Variants in ABCC6 observed in about 807,000 individuals in gnomAD.
ABCC6 encodes the protein ATP-binding cassette sub-family C member 6.
In ABCC6, 126 loss-of-function variants were observed where a neutral mutation model predicts 169.5. The observed-to-expected ratio is 0.74, with a 90% CI of 0.64 to 0.86. ABCC6 has a LOEUF of 0.86. Ranked by LOEUF, ABCC6 falls within the 40% of genes least tolerant of loss-of-function variation. ABCC6 has a pLI of 0.00. For synonymous variants in ABCC6, 752 were observed against 814.7 expected (o/e 0.92, Z 1.31); for missense variants, 1,733 against 1,927.2 (o/e 0.90, Z 1.89).
rs371141927 is a variant in ABCC6 at position 16,183,237 on chromosome 16, CCAAT to C, written c.1944-311_1944-308del. On this transcript the variant is annotated intron_variant, in intron 15 of 30. Coordinates refer to ENST00000205557, the MANE Select transcript of ABCC6 (RefSeq NM_001171.6). Reference sequence around the variant, plus strand: ...CACACACACAAGTGCATGCACATACCCAATCAATCCATGCTCACACGCATACATG... The same window carrying C: ...CACACACACAAGTGCATGCACATACCCAATCCATGCTCACACGCATACATG... Among the ~76,000 whole-genome samples, 382 of 152,268 alleles carry C rather than the reference CCAAT, an allele frequency of 2.5e-3. 4 individuals are homozygous for C. The highest frequency in any genetic ancestry group is 7.9e-3 in the African/African-American group (328 of 41,548).
Position 16,182,455 on chromosome 16 carries a change from A to G in ABCC6, c.2204T>C (p.Val735Ala). ...VLEACALQPDVDSFPEGIHTS... is the reference protein window; with the variant it reads ...VLEACALQPDADSFPEGIHTS... ...GTGGATTCCCTCAGGGAAGCTGTCC[A>G]CATCTGGCTGCAGGGCACAGGCTTC... Residue 735 changes from valine to alanine, a missense_variant, in exon 17 of 31, where the codon GTG (valine) becomes GCG (alanine). Val to Ala is a moderately conservative substitution (Grantham distance 64). This residue lies in a region of ABCC6 where 1,601 missense variants were observed against 1,635.5 expected (regional missense o/e 0.98). Transcript: ENST00000205557. The G allele has an allele frequency of 1.2e-6, 2 of 1,614,176 alleles. No homozygotes were observed. Among genetic ancestry groups the G allele is most frequent in the South Asian group, 1.1e-5 (1 of 91,084 alleles).
At chr16:16,185,480 G>A (rs2047623651) in intron 14 of ABCC6, among the ~76,000 whole-genome samples, 1 of 152,150 alleles carries the variant, frequency 6.6e-6, no homozygotes. Flanking sequence ...CCAGAGTGAA[G>A]GGGGTGTTAT....
Position 16,169,751 on chromosome 16 carries a change from G to A in ABCC6, c.2890C>T (p.Arg964Trp), listed in dbSNP as rs558710437. ...GCCCACAGGCTCAGCCAGTAGCCCC[G>A]GCAGAAGGAGGCCACTTGCTGGCAG... ...FLCQQVASFCRGYWLSLWADD... is the reference protein window; with the variant it reads ...FLCQQVASFCWGYWLSLWADD... Residue 964 changes from arginine (R) to tryptophan (W), a missense_variant, in exon 22 of 31, where the codon CGG becomes TGG. Transcript: ENST00000205557. 9.4e-6 allele frequency: 15 copies of A among 1,603,636 alleles called. No individual in the cohort carries two copies. Among genetic ancestry groups the A allele is most frequent in the Admixed American group, 6.8e-5 (4 of 58,418 alleles).
intron 19 of ABCC6, 69 bp downstream of exon 19, chr16:16,177,383 C>A: frequency 6.3e-7 from 1 of 1,581,980 alleles, no homozygotes; most frequent in Non-Finnish European, 8.7e-7. Context: ...GCCAGTAGGA[C>A]CCTTCGAGCC....
rs375271795 is a variant in ABCC6 at position 16,163,198 on chromosome 16, A to G, written c.3307-6T>C. The stretch of plus-strand genomic sequence containing the variant: ...GAGCTAACCACATACAGGCTCTGAG[A>G]AGGATGGATGGGAGAGGGAAGAGGA... On this transcript the variant is annotated splice_region_variant and splice_polypyrimidine_tract_variant and intron_variant, in intron 23 of 30. Transcript: ENST00000205557. The G allele has an allele frequency of 7.4e-6, 12 of 1,612,840 alleles. No homozygotes were observed. In the African/African-American group the frequency reaches 1.1e-4, roughly 14 times the overall value.
rs546994787 is a variant in ABCC6 at position 16,216,253 on chromosome 16, T to C, written c.475-1804A>G. Among the ~76,000 whole-genome samples the C allele has an allele frequency of 2.0e-5, 3 of 152,190 alleles. No homozygotes were observed. The South Asian group carries it at 6.2e-4, about 32-fold the overall frequency. On this transcript the variant is annotated intron_variant, in intron 4 of 30. Coordinates refer to ENST00000205557, the MANE Select transcript of ABCC6 (RefSeq NM_001171.6). ...AGTTATTTTAAAATGTACAATTAAA[T>C]TATTATTGACTATAGTCACCCTGTT...
At chr16:16,195,610 G>A (rs150481853) in intron 10 of ABCC6, among the ~76,000 whole-genome samples, 117 of 152,096 alleles carry the variant, frequency 7.7e-4, no homozygotes, top group African/African-American at 2.7e-3. Flanking sequence ...ACCGTGCCCC[G>A]CCTGGTCTCA....
Position 16,185,004 on chromosome 16 carries a change from CTG to C in ABCC6, c.1896_1897del (p.His632GlnfsTer108). ...TTCCTGGGACCAGGCGAAGGTGGCA[CTG>C]TGTATGGTGATGCAATCCTTCCCGG... On this transcript the variant is annotated frameshift_variant, in exon 15 of 31. Transcript: ENST00000205557. LOFTEE classifies it high-confidence loss of function. 11 of 1,613,856 alleles carry C rather than the reference CTG, an allele frequency of 6.8e-6. No homozygotes were observed. The highest frequency in any genetic ancestry group is 9.3e-6 in the Non-Finnish European group (11 of 1,179,756).
Position 16,188,982 on chromosome 16 carries a change from G to T in ABCC6, c.1636-8C>A, listed in dbSNP as rs766400634. On this transcript the variant is annotated splice_region_variant and splice_polypyrimidine_tract_variant and intron_variant, in intron 12 of 30. Transcript: ENST00000205557. ...AAACACCACCAGTGCGACCTGGGGGGTGGGGGGGACACGTGGGGCAACAGT... is the reference window on the plus strand; with the variant it reads ...AAACACCACCAGTGCGACCTGGGGGTTGGGGGGGACACGTGGGGCAACAGT... The T allele has an allele frequency of 2.2e-5, 35 of 1,613,604 alleles. No individual in the cohort carries two copies. Among genetic ancestry groups the T allele is most frequent in the Non-Finnish European group, 2.5e-5 (30 of 1,180,014 alleles).
In ABCC6 at chr16:16,211,406, GA is replaced by G. The variant is rs1032618147; in HGVS notation, c.662+778del. 8.6e-5 allele frequency among the ~76,000 whole-genome samples: 13 copies of G among 151,022 alleles called. No homozygotes were observed. The East Asian group carries it at 1.9e-3, about 23-fold the overall frequency. ...ACAAGAACGGAACTCCATCTCAAAA[GA>G]AAAAAAAATAATTACCACTTAAACT... On this transcript the variant is annotated intron_variant, in intron 6 of 30. Coordinates refer to ENST00000205557, the MANE Select transcript of ABCC6 (RefSeq NM_001171.6).
intron 29 of ABCC6, among the ~76,000 whole-genome samples, chr16:16,152,185 T>C (rs1178147383): frequency 8.0e-5 from 5 of 62,418 alleles, no homozygotes; most frequent in Admixed American, 3.9e-4. Context: ...AGAGCAAGAC[T>C]CTGTCTCAAA....
At chr16:16,174,870 C>T (rs1038347786) in intron 20 of ABCC6, among the ~76,000 whole-genome samples, 3 of 150,322 alleles carry the variant, frequency 2.0e-5, no homozygotes, top group Admixed American at 6.6e-5. Context: ...AAGTGATTCT[C>T]GTGCCTCAGC....
At position 16,178,881 on chromosome 16, in the gene ABCC6, C is replaced by T; in HGVS notation, c.2332G>A (p.Asp778Asn). ...TGGGCATCCAGGGCCGCCAGGGGGTCATCCAGCAGGTACACAGCTGCCTTT... is the reference window on the plus strand; with the variant it reads ...TGGGCATCCAGGGCCGCCAGGGGGTTATCCAGCAGGTACACAGCTGCCTTT... Reference protein sequence around the residue: ...YRKAAVYLLDDPLAALDAHVG... With the variant: ...YRKAAVYLLDNPLAALDAHVG... The change falls in exon 18 of 31, where the codon GAC becomes AAC. Residue 778 changes from aspartate to asparagine, a missense_variant. Around this residue, in one of 5 missense-constraint regions of ABCC6, gnomAD observed 1,601 missense variants for 1,635.5 expected, o/e 0.98. Coordinates refer to ENST00000205557, the MANE Select transcript of ABCC6 (RefSeq NM_001171.6). The T allele has an allele frequency of 2.5e-6, 4 of 1,613,890 alleles. No individual in the cohort carries two copies. The highest frequency in any genetic ancestry group is 4.5e-5 in the East Asian group (2 of 44,876).
rs2046993827 is a variant in ABCC6 at position 16,169,645 on chromosome 16, C to T, written c.2995+1G>A. The T allele has an allele frequency of 6.2e-7, 1 of 1,610,506 alleles. No individual in the cohort carries two copies. The highest frequency in any genetic ancestry group is 8.5e-7 in the Non-Finnish European group (1 of 1,179,600). On this transcript the variant is annotated splice_donor_variant, in intron 22 of 30. Transcript: ENST00000205557. LOFTEE classifies it high-confidence loss of function. ...GGATGAGGAGGGCAGGTGAGGCGTACCTTGGAGACAGCCGAGGAGCCCGAA... is the reference window on the plus strand; with the variant it reads ...GGATGAGGAGGGCAGGTGAGGCGTATCTTGGAGACAGCCGAGGAGCCCGAA...
intron 27 of ABCC6, among the ~76,000 whole-genome samples, chr16:16,156,830 C>T (rs1402825364): frequency 6.6e-6 from 1 of 151,086 alleles, no homozygotes; most frequent in African/African-American, 2.4e-5. Context: ...GTAATCCCAG[C>T]TACTCAGGAG....
intron 11 of ABCC6, among the ~76,000 whole-genome samples, 185 bp downstream of exon 11, chr16:16,192,645 G>A (rs940141381): frequency 1.3e-5 from 2 of 152,154 alleles, no homozygotes. Flanking sequence ...GAGGGACGGA[G>A]CCACTGTCCA....
intron 11 of ABCC6, 92 bp from the exon 12 acceptor site, chr16:16,190,459 A>G (rs1194106520): frequency 1.5e-5 from 22 of 1,430,926 alleles, no homozygotes; most frequent in Non-Finnish European, 2.1e-5. Context: ...AATCCCATTC[A>G]TCTCACCAAA....
chr16:16,221,609 G>A lies in ABCC6; in HGVS notation c.219+40C>T, dbSNP rs764605547. On this transcript the variant is annotated intron_variant, in intron 2 of 30. Coordinates refer to ENST00000205557, the MANE Select transcript of ABCC6 (RefSeq NM_001171.6). ...TTCCAGCCTGTCCCCTGCCTCCCCC[G>A]AACATTGCCTGGTTCCAGGCTCCCA... The A allele has an allele frequency of 2.9e-5, 46 of 1,609,504 alleles. No individual in the cohort carries two copies. In the African/African-American group the frequency reaches 3.1e-4, roughly 11 times the overall value.
chr16:16,215,533 G>C (rs2048837393), intron 4 of ABCC6, among the ~76,000 whole-genome samples: 1 of 149,896 alleles, frequency 6.7e-6, no homozygotes, highest in Non-Finnish European at 1.5e-5. Context: ...ATGTGCAGTG[G>C]CATGATCTTG....
Sources: gnomAD v4.1 joint callset for allele counts (sites outside exome capture counted in the v4.1 genomes callset) on GRCh38, gnomAD v4.1.1 for gene constraint, gnomAD v4.1.1 regional missense constraint, MANE v1.5 for transcripts, NCBI Gene and HGNC (gene_info 2026-07-23, HGNC 2026-07-21) for gene names.